The following EPB41L4A variants were observed in gnomAD, a reference collection of about 807,000 sequenced individuals.
EPB41L4A encodes band 4.1-like protein 4A.
EPB41L4A carries 100 observed loss-of-function variants against 108.6 expected under a neutral mutation model. The ratio of observed to expected loss-of-function variants is 0.92; its 90% confidence interval spans 0.78 to 1.09. The LOEUF (loss-of-function observed/expected upper bound fraction) is 1.09, where lower values mean the gene tolerates loss of function less well. EPB41L4A is among the 50% of genes least tolerant of loss of function. The pLI, the probability that EPB41L4A is intolerant of heterozygous loss-of-function variation, is 0.00. For synonymous variants in EPB41L4A, 319 were observed against 289.0 expected, an observed-to-expected ratio of 1.10 and a Z score of -1.05; for missense variants, 1,030 against 842.7, an observed-to-expected ratio of 1.22 and a Z score of -2.75.
intron 1 of EPB41L4A, among the ~76,000 whole-genome samples, chr5:112,384,505 T>C (rs952670577): frequency 6.6e-6 from 1 of 152,090 alleles, no homozygotes; most frequent in Admixed American, 6.6e-5. Flanking sequence ...CAATCATCAG[T>C]AAAATCTCCA....
At chr5:112,286,090 T>C (rs1405741610) in intron 2 of EPB41L4A, among the ~76,000 whole-genome samples, 1 of 152,082 alleles carries the variant, frequency 6.6e-6, no homozygotes, top group African/African-American at 2.4e-5. Flanking sequence ...CCAACTCACT[T>C]TAATATTCTG....
rs776607129 is a variant in EPB41L4A, at chr5:112,168,791, G to A, written c.1880C>T (p.Pro627Leu). The change falls in exon 22 of 23, where the codon CCG becomes CTG. Residue 627 changes from proline to leucine, a missense_variant. Physicochemically the swap from Pro to Leu is moderately conservative, Grantham distance 98. Coordinates refer to ENST00000261486, the MANE Select transcript of EPB41L4A (RefSeq NM_022140.5). ...NSKTDLVPPL[P>L]VTRSSDAQGS... is the part of the protein sequence containing the mutation. ...CTGAGCATCCGAAGAACGGGTCACC[G>A]GAAGTGGTGGTACAAGATCTGTTTT... 8.7e-6 allele frequency: 14 copies of A among 1,613,956 alleles called. No individual in the cohort carries two copies. Among genetic ancestry groups the A allele is most frequent in the East Asian group, 6.7e-5 (3 of 44,896 alleles).
At chr5:112,282,189 T>C (rs1580602746) in intron 2 of EPB41L4A, among the ~76,000 whole-genome samples, 1 of 152,114 alleles carries the variant, frequency 6.6e-6, no homozygotes, top group African/African-American at 2.4e-5. Flanking sequence ...CCAGGGAAAG[T>C]GTAGCTCATT....
intron 1 of EPB41L4A, among the ~76,000 whole-genome samples, chr5:112,404,615 T>A (rs919822138): frequency 6.6e-6 from 1 of 152,102 alleles, no homozygotes; most frequent in Admixed American, 6.5e-5. Context: ...ATATTCGGAG[T>A]CTATATTCTC....
At chr5:112,349,164 C>T (rs543869520) in intron 1 of EPB41L4A, among the ~76,000 whole-genome samples, 50 of 152,060 alleles carry the variant, frequency 3.3e-4, no homozygotes, top group African/African-American at 9.7e-4. Context: ...GAGTGCCAGA[C>T]AGAAAACAGT....
intron 15 of EPB41L4A, among the ~76,000 whole-genome samples, chr5:112,201,212 C>T (rs577434350): frequency 4.6e-5 from 7 of 152,286 alleles, no homozygotes; most frequent in African/African-American, 1.4e-4. Flanking sequence ...TCAAAACACA[C>T]GTCCCCAAAA....
At chr5:112,284,114 A>G (rs1285362394) in intron 2 of EPB41L4A, among the ~76,000 whole-genome samples, 2 of 152,148 alleles carry the variant, frequency 1.3e-5, no homozygotes, top group African/African-American at 4.8e-5. Context: ...GTGTTGCCTA[A>G]CAGCTAACAA....
At chr5:112,297,185 T>C (rs1754048197) in intron 2 of EPB41L4A, among the ~76,000 whole-genome samples, 2 of 152,196 alleles carry the variant, frequency 1.3e-5, no homozygotes, top group Non-Finnish European at 2.9e-5. Flanking sequence ...AAATGGGAGT[T>C]ATACTTTGAG....
rs1204687859 is a variant in EPB41L4A, at chr5:112,162,657, T to G, written c.*2333A>C. ...AAAAAATTTATTGAAAGCACTGTAC[T>G]AGGAGCTGAGAACACGATGATGAGC... is the stretch of plus-strand genomic sequence containing the variant. On this transcript the variant is annotated 3_prime_UTR_variant, in exon 23 of 23. Coordinates refer to ENST00000261486, the MANE Select transcript of EPB41L4A (RefSeq NM_022140.5). 2.0e-5 allele frequency: 3 copies of G among 152,202 alleles called. No homozygotes were observed. The highest frequency in any genetic ancestry group is 7.2e-5 in the African/African-American group (3 of 41,434). 9.4% of individuals were successfully genotyped at this position (152,202 alleles called of 1,614,324 possible). A position where few individuals can be genotyped will look rare whatever the true frequency, so the allele number is the denominator to read the frequency against.
chr5:112,362,153 A>C (rs920712008), intron 1 of EPB41L4A, among the ~76,000 whole-genome samples: 1 of 152,178 alleles, frequency 6.6e-6, no homozygotes, highest in Non-Finnish European at 1.5e-5. Context: ...GCTGGAGTGC[A>C]GTGGTACAAG....
chr5:112,399,391 A>G (rs1761587760), intron 1 of EPB41L4A, among the ~76,000 whole-genome samples: 1 of 152,132 alleles, frequency 6.6e-6, no homozygotes, highest in Non-Finnish European at 1.5e-5. Flanking sequence ...ATCACCATCC[A>G]GGTTCCCCAC....
intron 4 of EPB41L4A, 142 bp from the exon 5 acceptor site, chr5:112,266,472 G>C: frequency 1.6e-6 from 1 of 610,980 alleles, no homozygotes; most frequent in Non-Finnish European, 2.9e-6. Context: ...GGGGGCTGTT[G>C]AGTGAACAGG....
chr5:112,392,949 C>T (rs1214360711), intron 1 of EPB41L4A, among the ~76,000 whole-genome samples: 2 of 152,176 alleles, frequency 1.3e-5, no homozygotes. Context: ...CTCAAAACTG[C>T]TCAACTACAT....
chr5:112,404,086 C>T lies in EPB41L4A; in HGVS notation c.99+14855G>A, dbSNP rs1001554437. Among the ~76,000 whole-genome samples, 6 of 152,202 alleles carry T rather than the reference C, an allele frequency of 3.9e-5. 1 individual carries two copies. In the East Asian group the frequency reaches 9.6e-4, roughly 24 times the overall value. On this transcript the variant is annotated intron_variant, in intron 1 of 22. Coordinates refer to ENST00000261486, the MANE Select transcript of EPB41L4A (RefSeq NM_022140.5). Reference sequence around the variant, plus strand: ...TTAAGAAGCCTTCTAAGAAAAACTGCCCCTTGCTTCATTGCTTAGAACCTA... The same window carrying T: ...TTAAGAAGCCTTCTAAGAAAAACTGTCCCTTGCTTCATTGCTTAGAACCTA...
chr5:112,341,753 AACACACAC>A (rs5870494), intron 1 of EPB41L4A, among the ~76,000 whole-genome samples: 1 of 149,360 alleles, frequency 6.7e-6, no homozygotes, highest in South Asian at 2.1e-4. Flanking sequence ...CACTATTTAA[AACACACAC>A]ACACACACAC....
At chr5:112,150,476 T>C (rs1390923628) in intron 12 of EPB41L4A, among the ~76,000 whole-genome samples, 2 of 151,828 alleles carry the variant, frequency 1.3e-5, no homozygotes, top group Non-Finnish European at 2.9e-5. Context: ...AGGGAACTCC[T>C]AGAAAAATAA....
chr5:112,211,663 G>A (rs1190158075), intron 12 of EPB41L4A, among the ~76,000 whole-genome samples: 1 of 152,004 alleles, frequency 6.6e-6, no homozygotes, highest in Non-Finnish European at 1.5e-5. Flanking sequence ...AAGGCAAGAG[G>A]ACAAGACAAG....
chr5:112,231,862 C>T (rs1037005114), intron 12 of EPB41L4A, among the ~76,000 whole-genome samples: 1 of 148,412 alleles, frequency 6.7e-6, no homozygotes, highest in African/African-American at 2.5e-5. Context: ...AATCCTAACA[C>T]TTCTGGAGGT....
rs1464111908 is a variant in EPB41L4A, at chr5:112,259,299, A to T, written c.732-7T>A. ...AACCTTTGTAATCCGAGGCCTAAAA[A>T]ACAAAGCAGATGGTGTTGCTGCTGT... On this transcript the variant is annotated splice_polypyrimidine_tract_variant and splice_region_variant and intron_variant, in intron 8 of 22. Coordinates refer to ENST00000261486, the MANE Select transcript of EPB41L4A (RefSeq NM_022140.5). 1 of 1,612,936 alleles carries T rather than the reference A, an allele frequency of 6.2e-7. No individual in the cohort carries two copies. Among genetic ancestry groups the T allele is most frequent in the Admixed American group, 1.7e-5 (1 of 60,018 alleles).
Sources: allele counts gnomAD v4.1 joint callset (sites outside exome capture counted in the v4.1 genomes callset), GRCh38; gene constraint gnomAD v4.1.1; transcripts MANE v1.5; gene names NCBI Gene and HGNC (gene_info 2026-07-23, HGNC 2026-07-21).